The following CDK17 variants were observed in gnomAD, a reference collection of about 807,000 sequenced individuals.
CDK17 encodes cyclin-dependent kinase 17.
CDK17 carries 24 observed loss-of-function variants against 77.6 expected under a neutral mutation model. The ratio of observed to expected loss-of-function variants is 0.31; its 90% CI spans 0.22 to 0.44. CDK17 has a LOEUF of 0.44. Among genes scored for constraint, CDK17 ranks in the 20% least tolerant of loss-of-function variants. CDK17 has a pLI of 1.00. For missense variants in CDK17, 429 were observed against 622.5 expected, an observed-to-expected ratio of 0.69 and a Z score of 3.31; for synonymous variants, 203 against 210.4, an observed-to-expected ratio of 0.96 and a Z score of 0.30.
intron 1 of CDK17, among the ~76,000 whole-genome samples, chr12:96,363,634 T>G (rs2137193647): frequency 6.6e-6 from 1 of 151,918 alleles, no homozygotes; most frequent in Admixed American, 6.6e-5. Context: ...GATCATGAGG[T>G]CAGGAGATCA....
At chr12:96,346,723 T>G (rs1953216312) in intron 1 of CDK17, among the ~76,000 whole-genome samples, 1 of 151,832 alleles carries the variant, frequency 6.6e-6, no homozygotes, top group Non-Finnish European at 1.5e-5. Flanking sequence ...AAGACCATCC[T>G]GGCCAACATG....
intron 1 of CDK17, among the ~76,000 whole-genome samples, chr12:96,397,441 T>C (rs1001703898): frequency 4.6e-5 from 7 of 152,180 alleles, no homozygotes; most frequent in Non-Finnish European, 7.4e-5. Context: ...AGAGTACATA[T>C]GACAGGCTGC....
chr12:96,300,243 AC>A (rs1952478477), intron 6 of CDK17, 60 bp downstream of exon 6: 1 of 1,095,882 alleles, frequency 9.1e-7, no homozygotes, highest in Admixed American at 1.9e-5. Context: ...CCGTGGAGTA[AC>A]AGAGTTTGAA....
chr12:96,309,424 C>T (rs1348214612), intron 5 of CDK17, among the ~76,000 whole-genome samples: 3 of 152,180 alleles, frequency 2.0e-5, no homozygotes, highest in Non-Finnish European at 2.9e-5. Context: ...ATCTCTACTA[C>T]AGGACTATAG....
intron 2 of CDK17, among the ~76,000 whole-genome samples, chr12:96,331,163 G>C (rs534256557): frequency 3.9e-4 from 59 of 152,282 alleles, no homozygotes; most frequent in African/African-American, 1.4e-3. Flanking sequence ...GGCTAGTCTA[G>C]AACTCCTTAC....
intron 10 of CDK17, among the ~76,000 whole-genome samples, chr12:96,290,247 G>A (rs1057039605): frequency 6.6e-6 from 1 of 152,200 alleles, no homozygotes; most frequent in Non-Finnish European, 1.5e-5. Context: ...TTTATCTCTT[G>A]AGTCACTAGT....
chr12:96,389,045 T>TTAC (rs1954021378), intron 1 of CDK17, among the ~76,000 whole-genome samples: 1 of 149,686 alleles, frequency 6.7e-6, no homozygotes, highest in Non-Finnish European at 1.5e-5. Context: ...ATTATTATTA[T>TTAC]TTTTTGAGAC....
chr12:96,360,234 T>C (rs1953471049), intron 1 of CDK17, among the ~76,000 whole-genome samples: 1 of 152,160 alleles, frequency 6.6e-6, no homozygotes, highest in South Asian at 2.1e-4. Context: ...AGAAAGTACA[T>C]TGAAGGAAAC....
intron 6 of CDK17, 32 bp downstream of exon 6, chr12:96,300,272 A>C (rs776999767): frequency 6.9e-7 from 1 of 1,443,256 alleles, no homozygotes; most frequent in Non-Finnish European, 9.6e-7. Context: ...TAAGAAAAAA[A>C]TGTGTCTTAC....
intron 1 of CDK17, among the ~76,000 whole-genome samples, chr12:96,343,384 T>C (rs796561888): frequency 2.6e-5 from 4 of 152,332 alleles, no homozygotes; most frequent in African/African-American, 9.6e-5. Context: ...GAGCGACTTA[T>C]TAGTGCCATA....
intron 5 of CDK17, among the ~76,000 whole-genome samples, chr12:96,304,631 A>G (rs1031432929): frequency 2.0e-5 from 3 of 152,224 alleles, no homozygotes; most frequent in African/African-American, 7.2e-5. Flanking sequence ...TGTTAACGAA[A>G]GAAATGTGTT....
In CDK17 at chr12:96,368,821, G is replaced by A. The variant is rs977160139; in HGVS notation, c.-30+31165C>T. On this transcript the variant is annotated intron_variant, in intron 1 of 16. Transcript: ENST00000261211. ...TACTCTAAGACGGGGGGGGGGGGGGGGGGCACAATGAATAAGGCTGGAAAG... is the reference window on the plus strand; with the variant it reads ...TACTCTAAGACGGGGGGGGGGGGGGAGGGCACAATGAATAAGGCTGGAAAG... 3.1e-4 allele frequency among the ~76,000 whole-genome samples: 24 copies of A among 76,812 alleles called. 3 individuals carry two copies. The highest frequency in any genetic ancestry group is 1.1e-3 in the African/African-American group (24 of 22,728). 50.4% of individuals were successfully genotyped at this position (76,812 alleles called of 152,430 possible).
chr12:96,323,874 G>T, intron 3 of CDK17, 74 bp downstream of exon 3: 1 of 1,035,330 alleles, frequency 9.7e-7, no homozygotes, highest in African/African-American at 1.6e-5. Flanking sequence ...AATAAAAGTT[G>T]CTTAATTAAA....
intron 13 of CDK17, 108 bp downstream of exon 13, chr12:96,285,935 G>A: frequency 1.7e-6 from 1 of 594,952 alleles, no homozygotes; most frequent in Non-Finnish European, 3.1e-6. Flanking sequence ...AATACGTAAG[G>A]GTTATGTGTA....
intron 1 of CDK17, among the ~76,000 whole-genome samples, chr12:96,343,240 T>C (rs776923844): frequency 2.0e-5 from 3 of 152,188 alleles, no homozygotes; most frequent in Non-Finnish European, 4.4e-5. Context: ...GGAACCTAAT[T>C]AGACACTAAA....
At chr12:96,390,251 G>C (rs761324322) in intron 1 of CDK17, among the ~76,000 whole-genome samples, 20 of 150,106 alleles carry the variant, frequency 1.3e-4, no homozygotes, top group Non-Finnish European at 2.8e-4. Context: ...TCCCAGGTTC[G>C]AGTGATTCTC....
At chr12:96,281,593 T>C (rs1290069177) in intron 15 of CDK17, 1 of 152,274 alleles carries the variant, frequency 6.6e-6, no homozygotes, top group Non-Finnish European at 1.5e-5. Context: ...GGTCTCGAAC[T>C]CCTGACCTCG....
chr12:96,316,197 A>G (rs1160234726), intron 3 of CDK17, among the ~76,000 whole-genome samples: 1 of 152,102 alleles, frequency 6.6e-6, no homozygotes, highest in Non-Finnish European at 1.5e-5. Context: ...GGGGTGACGG[A>G]CGCACCTGGA....
At chr12:96,352,903 G>A (rs1409453116) in intron 1 of CDK17, among the ~76,000 whole-genome samples, 1 of 152,158 alleles carries the variant, frequency 6.6e-6, no homozygotes, top group Non-Finnish European at 1.5e-5. Context: ...ATCAGACACA[G>A]GTTTTTGGTA....
Sources: allele counts gnomAD v4.1 joint callset (sites outside exome capture counted in the v4.1 genomes callset), GRCh38; gene constraint gnomAD v4.1.1; transcripts MANE v1.5; gene names NCBI Gene and HGNC (gene_info 2026-07-23, HGNC 2026-07-21).